The following NTM variants were observed in gnomAD, a reference collection of about 807,000 sequenced individuals.
The protein encoded by NTM is IgLON family member 2.
A neutral mutation model predicts 42.1 loss-of-function variants in NTM; 13 were observed. That is an observed-to-expected ratio of 0.31 (90% CI 0.20 to 0.49). The LOEUF (loss-of-function observed/expected upper bound fraction) is 0.49, where lower values mean the gene tolerates loss of function less well. Ranked by LOEUF, NTM falls within the 20% of genes least tolerant of loss-of-function variation. The pLI, the probability that NTM is intolerant of heterozygous loss-of-function variation, is 0.99. For missense variants in NTM, 373 were observed against 452.8 expected, an observed-to-expected ratio of 0.82 and a Z score of 1.60; for synonymous variants, 187 against 179.2, an observed-to-expected ratio of 1.04 and a Z score of -0.35.
rs1249352540 is a variant in NTM at position 131,883,771 on chromosome 11, G to A, written c.83-27793G>A. On this transcript the variant is annotated intron_variant, in intron 1 of 8. Transcript: ENST00000683400. ...GGTTTCCCTACTCCTTCAAAGGCAG[G>A]AGGCTGTAGTTGATTTTCAAGGTAA... is the stretch of plus-strand genomic sequence containing the variant. Among the ~76,000 whole-genome samples the A allele has an allele frequency of 3.3e-5, 5 of 152,244 alleles. No individual in the cohort carries two copies. In the East Asian group the frequency reaches 9.7e-4, roughly 29 times the overall value.
chr11:131,408,147 C>T (rs1199374201), intron 1 of NTM, among the ~76,000 whole-genome samples: 1 of 152,228 alleles, frequency 6.6e-6, no homozygotes, highest in East Asian at 1.9e-4. Flanking sequence ...CACTGGGTCA[C>T]TCAGTTGTTC....
intron 3 of NTM, among the ~76,000 whole-genome samples, chr11:132,205,963 G>A (rs975440766): frequency 2.0e-5 from 3 of 152,098 alleles, no homozygotes; most frequent in South Asian, 2.1e-4. Context: ...CTGTGCAGCC[G>A]TCCAGATGCT....
intron 2 of NTM, among the ~76,000 whole-genome samples, chr11:131,973,906 T>C (rs1485723110): frequency 6.6e-6 from 1 of 152,154 alleles, no homozygotes; most frequent in African/African-American, 2.4e-5. Flanking sequence ...GGTTCACTCA[T>C]ATGCAGATTT....
intron 4 of NTM, among the ~76,000 whole-genome samples, chr11:132,304,293 T>C (rs934076125): frequency 1.3e-5 from 2 of 152,182 alleles, no homozygotes; most frequent in African/African-American, 4.8e-5. Flanking sequence ...AGCAGACTTA[T>C]AATGAGAAGC....
chr11:131,483,480 G>A (rs752950753), intron 1 of NTM, among the ~76,000 whole-genome samples: 41 of 152,184 alleles, frequency 2.7e-4, no homozygotes, highest in Non-Finnish European at 4.8e-4. Context: ...AGCTCCACTC[G>A]GAGTAGGAGT....
chr11:131,783,142 C>T (rs1392285790), intron 1 of NTM, among the ~76,000 whole-genome samples: 8 of 152,036 alleles, frequency 5.3e-5, no homozygotes, highest in African/African-American at 1.4e-4. Flanking sequence ...TTTATGATTA[C>T]AATACCAATA....
chr11:132,041,704 C>T (rs2077227947), intron 2 of NTM, among the ~76,000 whole-genome samples: 1 of 152,168 alleles, frequency 6.6e-6, no homozygotes, highest in Middle Eastern at 3.4e-3. Flanking sequence ...TCAGACAGCC[C>T]CCAGTACTGC....
intron 1 of NTM, among the ~76,000 whole-genome samples, chr11:131,680,253 A>G (rs1592510677): frequency 6.6e-6 from 1 of 152,344 alleles, no homozygotes; most frequent in East Asian, 1.9e-4. Context: ...AATGAATCGG[A>G]AAAGATACCA....
intron 1 of NTM, chr11:131,770,811 T>C (rs776542595): frequency 1.3e-5 from 2 of 152,118 alleles, no homozygotes; most frequent in Non-Finnish European, 2.9e-5. Flanking sequence ...CTCACTCTCA[T>C]TTGCCACTGT....
chr11:132,292,249 T>C lies in NTM; in HGVS notation c.527-15440T>C, dbSNP rs187000773. Among the ~76,000 whole-genome samples the C allele has an allele frequency of 7.6e-4, 116 of 152,130 alleles. 1 individual carries two copies. The Middle Eastern group carries it at 0.01, about 13-fold the overall frequency. ...TAAAGTATGAATAGAAGTGAAGGGGTTGAGGATATTTCCCCATGAGAGTTG... is the reference window on the plus strand; with the variant it reads ...TAAAGTATGAATAGAAGTGAAGGGGCTGAGGATATTTCCCCATGAGAGTTG... On this transcript the variant is annotated intron_variant, in intron 4 of 8. Transcript: ENST00000683400.
chr11:131,913,032 C>T (rs753041991), intron 2 of NTM, among the ~76,000 whole-genome samples: 16 of 152,114 alleles, frequency 1.1e-4, no homozygotes, highest in Non-Finnish European at 2.4e-4. Context: ...TGTTGGCTCA[C>T]GAGACCCACC....
At chr11:132,313,516 T>G (rs1206305410) in intron 6 of NTM, among the ~76,000 whole-genome samples, 1 of 151,978 alleles carries the variant, frequency 6.6e-6, no homozygotes, top group Non-Finnish European at 1.5e-5. Flanking sequence ...TAGAATCAGC[T>G]TCAGGGCAAG....
intron 1 of NTM, among the ~76,000 whole-genome samples, chr11:131,900,072 C>T (rs572006443): frequency 5.9e-5 from 9 of 152,240 alleles, no homozygotes; most frequent in South Asian, 2.1e-4. Context: ...GAGTGTTATG[C>T]GAGGCACTGA....
chr11:132,305,440 T>C (rs2095043223), intron 4 of NTM, among the ~76,000 whole-genome samples: 1 of 152,234 alleles, frequency 6.6e-6, no homozygotes, highest in South Asian at 2.1e-4. Flanking sequence ...ACTGTTAATT[T>C]ATAAATTACA....
At chr11:131,730,789 G>A (rs914759616) in intron 1 of NTM, among the ~76,000 whole-genome samples, 18 of 151,934 alleles carry the variant, frequency 1.2e-4, no homozygotes, top group Admixed American at 1.2e-3. Context: ...TGGATCTGGG[G>A]TGCCTCTTTG....
chr11:131,409,142 G>T (rs10894387), intron 1 of NTM, among the ~76,000 whole-genome samples: 83,384 of 152,168 alleles, frequency 0.55, 25,664 homozygotes, highest in Non-Finnish European at 0.7. Flanking sequence ...AATCATTGAT[G>T]TCAGCAAACA....
intron 1 of NTM, among the ~76,000 whole-genome samples, chr11:131,715,889 A>T (rs1156972094): frequency 6.6e-6 from 1 of 152,244 alleles, no homozygotes; most frequent in Non-Finnish European, 1.5e-5. Context: ...GTGTTTATGC[A>T]TTCAATGATT....
intron 2 of NTM, among the ~76,000 whole-genome samples, chr11:132,091,908 C>G (rs1320762627): frequency 6.6e-6 from 1 of 152,106 alleles, no homozygotes; most frequent in African/African-American, 2.4e-5. Context: ...GTTGAGAAAA[C>G]AGATGAATAA....
chr11:131,378,719 C>T (rs1942278202), intron 1 of NTM, among the ~76,000 whole-genome samples: 1 of 152,246 alleles, frequency 6.6e-6, no homozygotes, highest in Admixed American at 6.5e-5. Flanking sequence ...TGTGATTGAG[C>T]TGGATTGGAG....
Sources: allele counts gnomAD v4.1 joint callset (sites outside exome capture counted in the v4.1 genomes callset), GRCh38; gene constraint gnomAD v4.1.1; transcripts MANE v1.5; gene names NCBI Gene and HGNC (gene_info 2026-07-23, HGNC 2026-07-21).